PDGFC: variants seen among roughly 807,000 people sequenced by gnomAD.
PDGFC encodes platelet derived growth factor C.
In PDGFC, 12 loss-of-function variants were observed where a neutral mutation model predicts 35.5. The observed-to-expected ratio is 0.34, with a 90% CI of 0.22 to 0.55. The LOEUF is 0.55. Ranked by LOEUF, PDGFC falls within the 20% of genes least tolerant of loss-of-function variation. The pLI is 0.91. For synonymous variants in PDGFC, 159 were observed against 148.8 expected (o/e 1.07, Z -0.50); for missense variants, 322 against 412.4 (o/e 0.78, Z 1.90).
intron 1 of PDGFC, among the ~76,000 whole-genome samples, chr4:156,864,676 A>T (rs1179639991): frequency 1.3e-5 from 2 of 152,124 alleles, no homozygotes; most frequent in African/African-American, 4.8e-5. Context: ...CGGCAGTACA[A>T]TATAGTAGCA....
intron 1 of PDGFC, among the ~76,000 whole-genome samples, chr4:156,852,449 C>T (rs1729480223): frequency 6.6e-6 from 1 of 152,142 alleles, no homozygotes; most frequent in Non-Finnish European, 1.5e-5. Flanking sequence ...ATTTATTTTA[C>T]TTCCAGAAAC....
chr4:156,928,427 C>A (rs115442441), intron 1 of PDGFC, among the ~76,000 whole-genome samples: 2 of 152,038 alleles, frequency 1.3e-5, no homozygotes, highest in Non-Finnish European at 2.9e-5. Flanking sequence ...AGATCTGTAA[C>A]CGTGGGATTA....
chr4:156,822,794 T>C (rs1183832168), intron 2 of PDGFC, among the ~76,000 whole-genome samples: 1 of 152,056 alleles, frequency 6.6e-6, no homozygotes, highest in Non-Finnish European at 1.5e-5. Context: ...GGAGTTTTGC[T>C]CCTGTTACCC....
At chr4:156,895,303 C>T (rs1730604759) in intron 1 of PDGFC, among the ~76,000 whole-genome samples, 1 of 152,110 alleles carries the variant, frequency 6.6e-6, no homozygotes, top group South Asian at 2.1e-4. Flanking sequence ...AATTTAAATA[C>T]TTTTATATAA....
chr4:156,898,001 C>T (rs373524624), intron 1 of PDGFC, among the ~76,000 whole-genome samples: 1 of 152,154 alleles, frequency 6.6e-6, no homozygotes, highest in East Asian at 1.9e-4. Context: ...GTAGTAGAGG[C>T]AGAATTCTAT....
intron 2 of PDGFC, among the ~76,000 whole-genome samples, chr4:156,820,538 A>G (rs1256211742): frequency 6.6e-6 from 1 of 152,246 alleles, no homozygotes; most frequent in African/African-American, 2.4e-5. Flanking sequence ...CTTCAGTTTT[A>G]TAAGTACTGA....
At chr4:156,929,341 A>G (rs1731493391) in intron 1 of PDGFC, among the ~76,000 whole-genome samples, 1 of 152,154 alleles carries the variant, frequency 6.6e-6, no homozygotes, top group African/African-American at 2.4e-5. Flanking sequence ...AATGCATTCT[A>G]TATCCCAACC....
chr4:156,905,949 TAA>T (rs1394369264), intron 1 of PDGFC, among the ~76,000 whole-genome samples: 1 of 152,128 alleles, frequency 6.6e-6, no homozygotes, highest in East Asian at 1.9e-4. Context: ...GCCTGTTATG[TAA>T]AGTGTCAGTG....
intron 1 of PDGFC, among the ~76,000 whole-genome samples, chr4:156,907,244 A>G (rs1000648756): frequency 6.6e-6 from 1 of 152,198 alleles, no homozygotes; most frequent in Non-Finnish European, 1.5e-5. Flanking sequence ...AATGTAAAAA[A>G]TAAAACCACT....
chr4:156,873,698 C>T (rs964706797), intron 1 of PDGFC, among the ~76,000 whole-genome samples: 1 of 152,064 alleles, frequency 6.6e-6, no homozygotes, highest in Non-Finnish European at 1.5e-5. Context: ...TATAATGGCT[C>T]GAAGGTCCAT....
At chr4:156,820,030 T>C (rs1028681509) in intron 2 of PDGFC, among the ~76,000 whole-genome samples, 6 of 152,132 alleles carry the variant, frequency 3.9e-5, no homozygotes, top group Non-Finnish European at 7.4e-5. Flanking sequence ...AGAACTAGAA[T>C]TGGAAGTGGA....
chr4:156,908,496 T>G (rs1730969202), intron 1 of PDGFC, among the ~76,000 whole-genome samples: 1 of 152,200 alleles, frequency 6.6e-6, no homozygotes, highest in African/African-American at 2.4e-5. Flanking sequence ...AGTATGGCAT[T>G]TTTTCTTATT....
rs1485958597 is a variant in PDGFC at position 156,825,581 on chromosome 4, T to TAAGAAG, written c.315-14565_315-14564insCTTCTT. On this transcript the variant is annotated intron_variant, in intron 2 of 5. Coordinates refer to ENST00000502773, the MANE Select transcript of PDGFC (RefSeq NM_016205.3). ...ATAATAATAATAATAATAATAATAA[T>TAAGAAG]AATAATAATAATAAGAAGAAGAAGA... Among the ~76,000 whole-genome samples the TAAGAAG allele has an allele frequency of 5.9e-3, 544 of 92,432 alleles. 1 individual carries two copies. The highest frequency in any genetic ancestry group is 7.3e-3 in the East Asian group (24 of 3,278). 60.6% of individuals were successfully genotyped at this position (92,432 alleles called of 152,430 possible).
chr4:156,953,910 C>G (rs767242353), intron 1 of PDGFC, among the ~76,000 whole-genome samples: 147 of 152,056 alleles, frequency 9.7e-4, no homozygotes, highest in Non-Finnish European at 1.8e-3. Flanking sequence ...TCTATCCTCA[C>G]TAAATGCCAT....
chr4:156,961,642 T>C (rs548799954), intron 1 of PDGFC, among the ~76,000 whole-genome samples: 75 of 152,260 alleles, frequency 4.9e-4, no homozygotes, highest in African/African-American at 1.7e-3. Flanking sequence ...ATGATGCAGA[T>C]ACTCAATGAA....
chr4:156,904,851 C>A (rs1057050852), intron 1 of PDGFC, among the ~76,000 whole-genome samples: 4 of 152,112 alleles, frequency 2.6e-5, no homozygotes, highest in Non-Finnish European at 5.9e-5. Flanking sequence ...ATCCCCACTG[C>A]AAAGTAAGGC....
chr4:156,874,352 T>C (rs1230715006), intron 1 of PDGFC, among the ~76,000 whole-genome samples: 2 of 152,192 alleles, frequency 1.3e-5, no homozygotes, highest in African/African-American at 2.4e-5. Flanking sequence ...GTAATATTTA[T>C]TTGAATAGTC....
Position 156,920,581 on chromosome 4 carries a change from TC to T in PDGFC, c.118+50204del, listed in dbSNP as rs1731249413. On this transcript the variant is annotated intron_variant, in intron 1 of 5. Coordinates refer to ENST00000502773, the MANE Select transcript of PDGFC (RefSeq NM_016205.3). ...GTCCCTAATTAAAAGAAAAAAATGA[TC>T]TAAGAAAGTATACTTTGAGAATATA... Among the ~76,000 whole-genome samples, 3 of 151,610 alleles carry T rather than the reference TC, an allele frequency of 2.0e-5. No homozygotes were observed. In the South Asian group the frequency reaches 6.3e-4, roughly 32 times the overall value.
chr4:156,874,808 T>C (rs751512756), intron 1 of PDGFC, among the ~76,000 whole-genome samples: 1 of 151,884 alleles, frequency 6.6e-6, no homozygotes, highest in Non-Finnish European at 1.5e-5. Flanking sequence ...CCTCTACCTA[T>C]GGGGCTCACA....
Sources: allele counts gnomAD v4.1 joint callset (sites outside exome capture counted in the v4.1 genomes callset), GRCh38; gene constraint gnomAD v4.1.1; transcripts MANE v1.5; gene names NCBI Gene and HGNC (gene_info 2026-07-23, HGNC 2026-07-21).